The following FBXO38 variants were observed in gnomAD, a reference collection of about 807,000 sequenced individuals.
The protein encoded by FBXO38 is F-box only protein 38.
A neutral mutation model predicts 131.9 loss-of-function variants in FBXO38; 53 were observed. That is an observed-to-expected ratio of 0.40 (90% CI 0.32 to 0.51). The LOEUF is 0.51. Ranked by LOEUF, FBXO38 falls within the 20% of genes least tolerant of loss-of-function variation. The pLI is 0.53. For synonymous variants in FBXO38, 452 were observed against 505.6 expected (o/e 0.89, Z 1.42); for missense variants, 1,076 against 1,475.6 (o/e 0.73, Z 4.44).
At chr5:148,423,486 A>G (rs752451993) in intron 12 of FBXO38, among the ~76,000 whole-genome samples, 7 of 152,254 alleles carry the variant, frequency 4.6e-5, no homozygotes, top group Non-Finnish European at 7.3e-5. Flanking sequence ...ATGAAAGAAG[A>G]AAATTGATTG....
Position 148,408,437 on chromosome 5 carries a change from G to A in FBXO38, c.869-687G>A, listed in dbSNP as rs183228250. Among the ~76,000 whole-genome samples, 33 of 152,298 alleles carry A rather than the reference G, an allele frequency of 2.2e-4. No individual in the cohort carries two copies. The East Asian group carries it at 3.5e-3, about 16-fold the overall frequency. Reference sequence around the variant, plus strand: ...GACATTTTTAAGATTGTTCATAGAAGCACTGTTTCTAATCATCCCAAAATG... The same window carrying A: ...GACATTTTTAAGATTGTTCATAGAAACACTGTTTCTAATCATCCCAAAATG... On this transcript the variant is annotated intron_variant, in intron 7 of 21. Coordinates refer to ENST00000340253, the MANE Select transcript of FBXO38 (RefSeq NM_205836.3).
intron 20 of FBXO38, 108 bp from the exon 21 acceptor site, chr5:148,441,016 T>G (rs946020258): frequency 1.3e-6 from 1 of 763,882 alleles, no homozygotes; most frequent in Non-Finnish European, 2.3e-6. Context: ...TGAGGACACC[T>G]GACTCACTCT....
chr5:148,386,910 A>T (rs569718396), intron 1 of FBXO38, among the ~76,000 whole-genome samples: 19 of 151,398 alleles, frequency 1.3e-4, no homozygotes, highest in African/African-American at 3.9e-4. Flanking sequence ...TACTTAATTT[A>T]AAAAAAATGC....
chr5:148,423,923 C>T (rs941159894), intron 12 of FBXO38, 75 bp from the exon 13 acceptor site: 78 of 1,404,272 alleles, frequency 5.6e-5, no homozygotes, highest in South Asian at 5.5e-4. Flanking sequence ...GTTCTTAGGG[C>T]GGCCACAGTT....
intron 2 of FBXO38, among the ~76,000 whole-genome samples, chr5:148,397,056 C>G (rs1208074948): frequency 6.6e-6 from 1 of 152,140 alleles, no homozygotes; most frequent in Non-Finnish European, 1.5e-5. Context: ...GAACCATGAA[C>G]TTAGTTCTTG....
chr5:148,393,665 G>T (rs763995822), intron 1 of FBXO38, among the ~76,000 whole-genome samples: 1 of 152,194 alleles, frequency 6.6e-6, no homozygotes, highest in Middle Eastern at 3.4e-3. Flanking sequence ...ACTCTGGGCC[G>T]TTTGTTTACA....
At chr5:148,394,109 G>A (rs1758353595) in intron 1 of FBXO38, among the ~76,000 whole-genome samples, 1 of 152,142 alleles carries the variant, frequency 6.6e-6, no homozygotes, top group African/African-American at 2.4e-5. Context: ...TTTCTCTGAA[G>A]TTGTATATAA....
intron 18 of FBXO38, among the ~76,000 whole-genome samples, chr5:148,438,898 C>CT (rs1193048680): frequency 1.3e-5 from 2 of 152,130 alleles, no homozygotes; most frequent in African/African-American, 4.8e-5. Flanking sequence ...CATCATATAA[C>CT]TACTGTTAGT....
intron 7 of FBXO38, among the ~76,000 whole-genome samples, chr5:148,406,646 T>G (rs2113549048): frequency 6.6e-6 from 1 of 152,276 alleles, no homozygotes; most frequent in Admixed American, 6.5e-5. Flanking sequence ...TTGACTTTTA[T>G]GTAGCTAATA....
Position 148,424,004 on chromosome 5 carries a change from A to G in FBXO38, c.1625A>G (p.Asn542Ser). ...GEQQFAADAL[N>S]EMEDIVQEDG... ...GTGTATATTTTCGTTGAAGCATTAA[A>G]TGAGATGGAAGACATCGTCCAAGAA... The change falls in exon 13 of 22, where the codon AAT becomes AGT. Residue 542 changes from asparagine (N) to serine (S), a missense_variant. Asn to Ser is a conservative substitution (Grantham distance 46, BLOSUM62 1). Around this residue, in one of 8 missense-constraint regions of FBXO38, gnomAD observed 212 missense variants for 221.2 expected, o/e 0.96. Coordinates refer to ENST00000340253, the MANE Select transcript of FBXO38 (RefSeq NM_205836.3). 1 of 1,611,640 alleles carries G rather than the reference A, an allele frequency of 6.2e-7. No homozygotes were observed. Among genetic ancestry groups the G allele is most frequent in the Non-Finnish European group, 8.5e-7 (1 of 1,179,104 alleles).
chr5:148,431,798 GTCT>G (rs1223318283), intron 15 of FBXO38, among the ~76,000 whole-genome samples: 1 of 152,294 alleles, frequency 6.6e-6, no homozygotes, highest in East Asian at 1.9e-4. Flanking sequence ...GTGGTCAATA[GTCT>G]TCATGTTTTG....
At chr5:148,417,286 T>C (rs1404458744) in intron 12 of FBXO38, 82 bp downstream of exon 12, 10 of 995,082 alleles carry the variant, frequency 1.0e-5, no homozygotes, top group Non-Finnish European at 1.6e-5. Flanking sequence ...GTTCCCTTTT[T>C]CCCCTGTTTC....
chr5:148,438,411 G>A lies in FBXO38; in HGVS notation c.2937G>A (p.Lys979=). 1 of 1,614,066 alleles carries A rather than the reference G, an allele frequency of 6.2e-7. No homozygotes were observed. The highest frequency in any genetic ancestry group is 8.5e-7 in the Non-Finnish European group (1 of 1,179,930). Residue 979 remains lysine (K), a synonymous_variant, in exon 18 of 22, where the codon AAG becomes AAA. Coordinates refer to ENST00000340253, the MANE Select transcript of FBXO38 (RefSeq NM_205836.3). Reference sequence around the variant, plus strand: ...ACCGATTTGACTATGCACAGTGCAAGAAACTGAACATGGATCAGGTACTAG... The same window carrying A: ...ACCGATTTGACTATGCACAGTGCAAAAAACTGAACATGGATCAGGTACTAG... ...IVNRFDYAQC[K]KLNMDQVLDQ...
intron 9 of FBXO38, among the ~76,000 whole-genome samples, chr5:148,412,119 A>T (rs4705255): frequency 0.077 from 11,654 of 152,070 alleles, 858 homozygotes; most frequent in East Asian, 0.23. Flanking sequence ...CTTGACTACC[A>T]TTATCTCGTA....
rs376515064 is a variant in FBXO38, at chr5:148,394,910, A to C, written c.128+6A>C. On this transcript the variant is annotated splice_donor_region_variant and intron_variant, in intron 2 of 21. Coordinates refer to ENST00000340253, the MANE Select transcript of FBXO38 (RefSeq NM_205836.3). The stretch of plus-strand genomic sequence containing the variant: ...GTACTTTGCCATATTTTTAGGTAAG[A>C]TTGTGTTTGGTTGGCTTACCTGCCT... 1.9e-6 allele frequency: 3 copies of C among 1,569,568 alleles called. No individual in the cohort carries two copies. Among genetic ancestry groups the C allele is most frequent in the Non-Finnish European group, 2.6e-6 (3 of 1,158,000 alleles).
At chr5:148,432,885 T>C (rs1754115072) in intron 15 of FBXO38, among the ~76,000 whole-genome samples, 1 of 152,200 alleles carries the variant, frequency 6.6e-6, no homozygotes, top group African/African-American at 2.4e-5. Flanking sequence ...AGTGCTTGAG[T>C]TGGACCTTTC....
In FBXO38 at chr5:148,433,497, T is replaced by A; in HGVS notation, c.2727T>A (p.Asp909Glu). 1.2e-6 allele frequency: 2 copies of A among 1,613,764 alleles called. No individual in the cohort carries two copies. The highest frequency in any genetic ancestry group is 1.7e-6 in the Non-Finnish European group (2 of 1,179,726). ...CAGATAAATCCACTAGTACAAGTGA[T>A]CCTGTGATCGAGGATGACCATGTGC... ...RTADKSTSTS[D>E]PVIEDDHVQV... Residue 909 changes from aspartate (D) to glutamate (E), a missense_variant, in exon 16 of 22, where the codon GAT (aspartate) becomes GAA (glutamate). Physicochemically the swap from Asp to Glu is conservative, Grantham distance 45. Around this residue, in one of 8 missense-constraint regions of FBXO38, gnomAD observed 282 missense variants for 418.8 expected, o/e 0.67. Transcript: ENST00000340253.
chr5:148,433,915 C>A, intron 17 of FBXO38, 178 bp downstream of exon 17: 1 of 421,218 alleles, frequency 2.4e-6, no homozygotes, highest in East Asian at 3.7e-5. Flanking sequence ...TATTTCTGAG[C>A]ATCATATATA....
chr5:148,386,977 G>T (rs187863581), intron 1 of FBXO38, among the ~76,000 whole-genome samples: 8 of 152,218 alleles, frequency 5.3e-5, no homozygotes, highest in Admixed American at 4.6e-4. Context: ...GGAAGATCTT[G>T]TCTCTGTCTT....
Sources: gnomAD v4.1 joint callset for allele counts (sites outside exome capture counted in the v4.1 genomes callset) on GRCh38, gnomAD v4.1.1 for gene constraint, gnomAD v4.1.1 regional missense constraint, MANE v1.5 for transcripts, NCBI Gene and HGNC (gene_info 2026-07-23, HGNC 2026-07-21) for gene names.